Variants in FSHR observed in about 807,000 individuals in gnomAD.
The protein encoded by FSHR is follicle-stimulating hormone receptor.
Under a neutral mutation model 52.1 loss-of-function variants are expected in FSHR, and 46 were observed. The observed-to-expected ratio is 0.88, with a 90% CI of 0.70 to 1.13. FSHR has a LOEUF of 1.13. FSHR is among the 50% of genes most tolerant of loss of function. FSHR has a pLI of 0.00. For synonymous variants in FSHR, 399 were observed against 309.6 expected, an observed-to-expected ratio of 1.29 and a Z score of -3.03; for missense variants, 964 against 834.6, an observed-to-expected ratio of 1.16 and a Z score of -1.91.
At chr2:49,085,661 A>G (rs1324333848) in intron 1 of FSHR, among the ~76,000 whole-genome samples, 1 of 152,202 alleles carries the variant, frequency 6.6e-6, no homozygotes, top group Non-Finnish European at 1.5e-5. Flanking sequence ...AGACACATGC[A>G]CACGTATGTT....
intron 1 of FSHR, among the ~76,000 whole-genome samples, chr2:49,102,578 T>A (rs570030603): frequency 1.3e-5 from 2 of 152,242 alleles, no homozygotes; most frequent in Admixed American, 1.3e-4. Context: ...TACTGGGCAA[T>A]AAATAGAATG....
intron 2 of FSHR, among the ~76,000 whole-genome samples, chr2:49,034,268 C>A (rs1212762482): frequency 1.3e-5 from 2 of 152,186 alleles, no homozygotes; most frequent in Admixed American, 1.3e-4. Context: ...AGCTAGAGCT[C>A]ATGAAAGCTG....
chr2:48,966,053 G>A (rs981222234), intron 9 of FSHR, among the ~76,000 whole-genome samples: 1 of 152,160 alleles, frequency 6.6e-6, no homozygotes, highest in African/African-American at 2.4e-5. Context: ...GGATCTGTTT[G>A]GTCAGTGTAG....
intron 1 of FSHR, among the ~76,000 whole-genome samples, chr2:49,115,355 T>A (rs1239689216): frequency 6.6e-6 from 1 of 152,126 alleles, no homozygotes; most frequent in African/African-American, 2.4e-5. Flanking sequence ...ATTCAACACA[T>A]GTTTATTGAA....
At chr2:49,108,259 A>G (rs919955607) in intron 1 of FSHR, among the ~76,000 whole-genome samples, 1 of 152,146 alleles carries the variant, frequency 6.6e-6, no homozygotes, top group Non-Finnish European at 1.5e-5. Flanking sequence ...GAACTGCACT[A>G]CTGGCTTTCC....
chr2:49,056,186 A>G (rs1228020439), intron 2 of FSHR, among the ~76,000 whole-genome samples: 4 of 151,988 alleles, frequency 2.6e-5, no homozygotes, highest in Admixed American at 6.6e-5. Context: ...TTTAAAACAT[A>G]TAGACTGGTG....
intron 1 of FSHR, among the ~76,000 whole-genome samples, chr2:49,111,824 T>C (rs1671434260): frequency 6.6e-6 from 1 of 152,214 alleles, no homozygotes. Flanking sequence ...TTCTGCAATG[T>C]ATCTTTATCA....
At chr2:49,061,859 A>T (rs1420298749) in intron 2 of FSHR, among the ~76,000 whole-genome samples, 5 of 136,506 alleles carry the variant, frequency 3.7e-5, no homozygotes, top group Non-Finnish European at 4.8e-5. Context: ...TAAATATAAT[A>T]TATTTATATA....
chr2:49,130,362 G>C (rs1391480384), intron 1 of FSHR, among the ~76,000 whole-genome samples: 1 of 152,164 alleles, frequency 6.6e-6, no homozygotes, highest in Non-Finnish European at 1.5e-5. Context: ...CTTAATCTCA[G>C]TGTCCTCAAT....
At chr2:49,015,981 T>C (rs918313080) in intron 4 of FSHR, among the ~76,000 whole-genome samples, 3 of 152,172 alleles carry the variant, frequency 2.0e-5, no homozygotes, top group South Asian at 4.1e-4. Flanking sequence ...TTGTTTCTTT[T>C]TCAGACCCTT....
At chr2:49,062,759 A>G (rs1266335972) in intron 2 of FSHR, among the ~76,000 whole-genome samples, 3 of 152,138 alleles carry the variant, frequency 2.0e-5, no homozygotes, top group African/African-American at 7.2e-5. Context: ...TCAAATAGAC[A>G]TCTCTCAAAA....
intron 1 of FSHR, among the ~76,000 whole-genome samples, chr2:49,070,279 T>C (rs548800664): frequency 6.6e-6 from 1 of 152,264 alleles, no homozygotes; most frequent in African/African-American, 2.4e-5. Context: ...AAATATTAGA[T>C]CATACTAAAA....
At chr2:48,975,690 G>T (rs1261839016) in intron 8 of FSHR, among the ~76,000 whole-genome samples, 1 of 152,144 alleles carries the variant, frequency 6.6e-6, no homozygotes, top group Admixed American at 6.5e-5. Context: ...TCTCCTTGAA[G>T]AGGTCCTTCA....
chr2:48,967,449 G>C (rs752292465), intron 9 of FSHR, among the ~76,000 whole-genome samples: 6 of 152,230 alleles, frequency 3.9e-5, no homozygotes, highest in Non-Finnish European at 1.5e-5. Flanking sequence ...CCATGGACTT[G>C]GTGCAAAATT....
intron 2 of FSHR, among the ~76,000 whole-genome samples, chr2:49,021,024 A>G (rs528104628): frequency 7.9e-4 from 121 of 152,300 alleles, no homozygotes; most frequent in Non-Finnish European, 1.3e-3. Context: ...TGATAGGTGC[A>G]GCAAACCACC....
At chr2:49,135,430 A>G (rs1180621276) in intron 1 of FSHR, among the ~76,000 whole-genome samples, 1 of 152,238 alleles carries the variant, frequency 6.6e-6, no homozygotes, top group East Asian at 1.9e-4. Flanking sequence ...AAATTAAGAC[A>G]TAACATACTA....
Position 49,121,608 on chromosome 2 carries a change from C to T in FSHR, c.152+32658G>A, listed in dbSNP as rs140767015. 5.0e-4 allele frequency among the ~76,000 whole-genome samples: 76 copies of T among 152,244 alleles called. 1 individual carries two copies. The South Asian group carries it at 7.3e-3, about 15-fold the overall frequency. On this transcript the variant is annotated intron_variant, in intron 1 of 9. Transcript: ENST00000406846. ...TGAGGTTCTGTGTATCAGTGACAGA[C>T]TTCTATATGACTTAATGACTTCCTT...
At chr2:49,116,955 A>T (rs1671621357) in intron 1 of FSHR, among the ~76,000 whole-genome samples, 1 of 152,234 alleles carries the variant, frequency 6.6e-6, no homozygotes, top group Non-Finnish European at 1.5e-5. Flanking sequence ...AAACATTTTC[A>T]ATCCAGCTAG....
chr2:49,141,984 A>G (rs1672704382), intron 1 of FSHR, among the ~76,000 whole-genome samples: 1 of 152,180 alleles, frequency 6.6e-6, no homozygotes. Context: ...CTACAGTGCA[A>G]AATTGTTGGG....
Sources: gnomAD v4.1 joint callset for allele counts (sites outside exome capture counted in the v4.1 genomes callset) on GRCh38, gnomAD v4.1.1 for gene constraint, MANE v1.5 for transcripts, NCBI Gene and HGNC (gene_info 2026-07-23, HGNC 2026-07-21) for gene names.